NLRP12: variants seen among roughly 807,000 people sequenced by gnomAD.
The protein encoded by NLRP12 is NACHT, LRR and PYD domains-containing protein 12.
NLRP12 carries 108 observed loss-of-function variants against 91.2 expected under a neutral mutation model. The observed-to-expected ratio is 1.18, with a 90% CI of 1.01 to 1.39. The LOEUF is 1.39. Ranked by LOEUF, NLRP12 falls within the 40% of genes most tolerant of loss-of-function variation. The probability of loss-of-function intolerance (pLI) is 0.00; values close to 1 mark genes in which losing one functional copy is unlikely to be tolerated. For synonymous variants in NLRP12, 613 were observed against 566.7 expected, an observed-to-expected ratio of 1.08 and a Z score of -1.16; for missense variants, 1,530 against 1,352.7, an observed-to-expected ratio of 1.13 and a Z score of -2.06.
intron 1 of NLRP12, among the ~76,000 whole-genome samples, chr19:53,823,299 ATATAG>A (rs940155404): frequency 1.4e-4 from 20 of 138,636 alleles, no homozygotes; most frequent in East Asian, 1.2e-3. Context: ...TATTTATATA[ATATAG>A]TATATTTATA....
chr19:53,798,381 C>T lies in NLRP12; in HGVS notation c.2789G>A (p.Cys930Tyr), dbSNP rs769829992. ...CTGGAGCACCACAGAAAGACCCTCACAGGCGGCAGAGCCCAGCCGGCAGAT... is the reference window on the plus strand; with the variant it reads ...CTGGAGCACCACAGAAAGACCCTCATAGGCGGCAGAGCCCAGCCGGCAGAT... The part of the protein sequence containing the change: ...LGICRLGSAA[C>Y]EGLSVVLQAN... The change falls in exon 8 of 10, where the codon TGT becomes TAT. Residue 930 changes from cysteine to tyrosine, a missense_variant. Physicochemically the swap from Cys to Tyr is radical, Grantham distance 194. Transcript: ENST00000324134. The T allele has an allele frequency of 5.0e-6, 8 of 1,614,094 alleles. No individual in the cohort carries two copies. In the South Asian group the frequency reaches 7.7e-5, roughly 16 times the overall value.
chr19:53,795,817 A>G, intron 9 of NLRP12, 42 bp downstream of exon 9: 1 of 1,597,580 alleles, frequency 6.3e-7, no homozygotes, highest in Non-Finnish European at 8.6e-7. Context: ...TCCCAGCCCA[A>G]TGTCCAGCCT....
In NLRP12 at chr19:53,811,217, C is replaced by T. The variant is rs757517539; in HGVS notation, c.442G>A (p.Gly148Arg). The T allele has an allele frequency of 5.0e-6, 8 of 1,614,156 alleles. No individual in the cohort carries two copies. Among genetic ancestry groups the T allele is most frequent in the Non-Finnish European group, 5.9e-6 (7 of 1,180,046 alleles). ...RLMEDRNARL[G>R]ECVNLSHRYT... ...CGGTGGCTGAGGTTGACACATTCCC[C>T]TAGGCGCGCATTGCGGTCTTCCATG... is the stretch of plus-strand genomic sequence containing the variant. The change falls in exon 3 of 10, where the codon GGG (glycine) becomes AGG (arginine). Residue 148 changes from glycine to arginine, a missense_variant. Transcript: ENST00000324134.
chr19:53,802,597 C>T (rs960166582), intron 6 of NLRP12, among the ~76,000 whole-genome samples: 3 of 151,574 alleles, frequency 2.0e-5, no homozygotes, highest in Non-Finnish European at 4.4e-5. Context: ...GTCCCAGCTA[C>T]TAGGGAGGTC....
rs2092231323 is a variant in NLRP12, at chr19:53,819,600, C to CGT, written c.289+4285_289+4286insAC. 1.6e-4 allele frequency among the ~76,000 whole-genome samples: 4 copies of CGT among 25,630 alleles called. 1 individual carries two copies. Among genetic ancestry groups the CGT allele is most frequent in the Admixed American group, 4.1e-4 (1 of 2,434 alleles). The allele number at this position is 25,630 out of a possible 152,430, so 16.8% of individuals were successfully genotyped here. A position where few individuals can be genotyped will look rare whatever the true frequency, so the allele number is the denominator to read the frequency against. On this transcript the variant is annotated intron_variant, in intron 1 of 9. Coordinates refer to ENST00000324134, the MANE Select transcript of NLRP12 (RefSeq NM_144687.4). ...ATATATGTATGTATACGTATATACG[C>CGT]ATATATATGTATGTATACGTATATA...
chr19:53,794,107 G>T lies in NLRP12; in HGVS notation c.3128C>A (p.Thr1043Asn), dbSNP rs143874173. The T allele has an allele frequency of 6.2e-7, 1 of 1,613,746 alleles. No individual in the cohort carries two copies. The highest frequency in any genetic ancestry group is 8.5e-7 in the Non-Finnish European group (1 of 1,179,730). Residue 1043 changes from threonine to asparagine, a missense_variant, in exon 10 of 10, where the codon ACC becomes AAC. Thr to Asn is a moderately conservative substitution (Grantham distance 65, BLOSUM62 0). Transcript: ENST00000324134. ...WLFGMDLNKM[T>N]HSRLAALRVT... ...TCGAAGCGCTGCCAACCTACTGTGG[G>T]TCATTTTATTCAGGTCCATCCCAAA... is the stretch of plus-strand genomic sequence containing the variant.
intron 1 of NLRP12, among the ~76,000 whole-genome samples, chr19:53,820,272 G>T (rs111659207): frequency 6.6e-6 from 1 of 152,094 alleles, no homozygotes; most frequent in Admixed American, 6.6e-5. Context: ...GCTCACGCCT[G>T]TAATTCCAGC....
chr19:53,794,886 A>C (rs1412653849), intron 9 of NLRP12, among the ~76,000 whole-genome samples: 1 of 151,684 alleles, frequency 6.6e-6, no homozygotes, highest in Non-Finnish European at 1.5e-5. Flanking sequence ...TTTTTAGTAG[A>C]GATGTGGTTT....
At position 53,793,940 on chromosome 19, in the gene NLRP12, C is replaced by T; in HGVS notation, c.*109G>A. 1 of 827,484 alleles carries T rather than the reference C, an allele frequency of 1.2e-6. No individual in the cohort carries two copies. Among genetic ancestry groups the T allele is most frequent in the East Asian group, 2.4e-5 (1 of 41,064 alleles). 51.3% of individuals were successfully genotyped at this position (827,484 alleles called of 1,614,324 possible). On this transcript the variant is annotated 3_prime_UTR_variant, in exon 10 of 10. Coordinates refer to ENST00000324134, the MANE Select transcript of NLRP12 (RefSeq NM_144687.4). ...CAGAGGGACTTTTGATCTCAATCTG[C>T]ATGAGTCTGTCTCTAGGAAGGAGGC...
At position 53,810,635 on chromosome 19, in the gene NLRP12, T is replaced by A. The variant is rs762797155; in HGVS notation, c.1024A>T (p.Thr342Ser). 1.8e-5 allele frequency: 29 copies of A among 1,613,978 alleles called. No individual in the cohort carries two copies. The Admixed American group carries it at 4.8e-4, about 27-fold the overall frequency. Residue 342 changes from threonine (T) to serine (S), a missense_variant, in exon 3 of 10, where the codon ACA (threonine) becomes TCA (serine). Transcript: ENST00000324134. ...AGCTTCTCCAAAGCCGTGGGCCGTG[T>A]GGTGATGAGCAAAGATAGCTCAGGG... ...LLPELSLLIT[T>S]RPTALEKLHR...
At chr19:53,822,218 T>TG (rs2092271989) in intron 1 of NLRP12, among the ~76,000 whole-genome samples, 1 of 152,138 alleles carries the variant, frequency 6.6e-6, no homozygotes. Context: ...AACCTGCACA[T>TG]GTACCCCTTG....
chr19:53,822,772 CTTAAT>C (rs1014576641), intron 1 of NLRP12, among the ~76,000 whole-genome samples: 1 of 143,574 alleles, frequency 7.0e-6, no homozygotes, highest in African/African-American at 2.5e-5. Flanking sequence ...TCATCTCTTT[CTTAAT>C]TTATTTTTGA....
intron 1 of NLRP12, among the ~76,000 whole-genome samples, chr19:53,823,395 A>AATATATATTTAAAATATATTTTTTAAAT (rs1568702386): frequency 1.4e-4 from 19 of 134,644 alleles, no homozygotes; most frequent in African/African-American, 4.9e-4. Context: ...ACATATTTTA[A>AATATATATTTAAAATATATTTTTTAAAT]ATATATATTT....
chr19:53,823,915 T>C lies in NLRP12; in HGVS notation c.260A>G (p.Glu87Gly), dbSNP rs764855416. Residue 87 changes from glutamate (E) to glycine (G), a missense_variant, in exon 1 of 10, where the codon GAG (glutamate) becomes GGG (glycine). By Grantham distance (98) the Glu-to-Gly change is moderately conservative. Transcript: ENST00000324134. ...FERINRKDLWERGQREDLVRD... is the reference protein window; with the variant it reads ...FERINRKDLWGRGQREDLVRD... Reference sequence around the variant, plus strand: ...CACCAGGTCCTCTCTCTGTCCTCTCTCCCACAGGTCCTTCCTGTTTATCCG... The same window carrying C: ...CACCAGGTCCTCTCTCTGTCCTCTCCCCCACAGGTCCTTCCTGTTTATCCG... 1.4e-5 allele frequency: 23 copies of C among 1,613,880 alleles called. No homozygotes were observed. The highest frequency in any genetic ancestry group is 2.2e-5 in the South Asian group (2 of 91,086).
At chr19:53,817,796 T>C (rs1250504598) in intron 1 of NLRP12, among the ~76,000 whole-genome samples, 1 of 151,990 alleles carries the variant, frequency 6.6e-6, no homozygotes, top group East Asian at 1.9e-4. Flanking sequence ...ACTATTTATT[T>C]ATTTATTTAT....
chr19:53,801,988 G>A (rs1310997592), intron 6 of NLRP12, among the ~76,000 whole-genome samples: 1 of 152,032 alleles, frequency 6.6e-6, no homozygotes, highest in Admixed American at 6.6e-5. Flanking sequence ...AGCACTTTGG[G>A]AGGCTGAGAT....
At position 53,816,384 on chromosome 19, in the gene NLRP12, C is replaced by G. The variant is rs533199705; in HGVS notation, c.290-1396G>C. 4.3e-3 allele frequency among the ~76,000 whole-genome samples: 651 copies of G among 152,134 alleles called. 3 individuals are homozygous for G. Among genetic ancestry groups the G allele is most frequent in the South Asian group, 7.5e-3 (36 of 4,816 alleles). ...TTGTTACTACACAGCCCGCCCCCCC[C>G]AACAGTCTCTGTAGCTTCATGTGAC... On this transcript the variant is annotated intron_variant, in intron 1 of 9. Transcript: ENST00000324134.
intron 7 of NLRP12, among the ~76,000 whole-genome samples, chr19:53,800,182 T>G (rs901332877): frequency 3.3e-5 from 5 of 151,862 alleles, no homozygotes; most frequent in Non-Finnish European, 7.4e-5. Flanking sequence ...GCGGGCACCT[T>G]TAGTCCCAGC....
At chr19:53,804,598 G>A (rs1409626902) in intron 5 of NLRP12, among the ~76,000 whole-genome samples, 4 of 150,166 alleles carry the variant, frequency 2.7e-5, no homozygotes, top group Non-Finnish European at 5.9e-5. Flanking sequence ...TAGTAGAGAC[G>A]GGGTGTTTCT....
Sources: gnomAD v4.1 joint callset for allele counts (sites outside exome capture counted in the v4.1 genomes callset) on GRCh38, gnomAD v4.1.1 for gene constraint, MANE v1.5 for transcripts, NCBI Gene and HGNC (gene_info 2026-07-23, HGNC 2026-07-21) for gene names.